The following PRIM2 variants were observed in gnomAD, a reference collection of about 807,000 sequenced individuals.
The protein encoded by PRIM2 is DNA primase subunit 2.
Under a neutral mutation model 67.3 loss-of-function variants are expected in PRIM2, and 39 were observed. That is an observed-to-expected ratio of 0.58 (90% CI 0.45 to 0.76). The LOEUF (loss-of-function observed/expected upper bound fraction) is 0.76, where lower values mean the gene tolerates loss of function less well. Ranked by LOEUF, PRIM2 falls within the 30% of genes least tolerant of loss-of-function variation. The probability of loss-of-function intolerance (pLI) is 0.00; values close to 1 mark genes in which losing one functional copy is unlikely to be tolerated. For missense variants in PRIM2, 398 were observed against 598.7 expected, an observed-to-expected ratio of 0.66 and a Z score of 3.50; for synonymous variants, 143 against 198.7, an observed-to-expected ratio of 0.72 and a Z score of 2.36.
the PRIM2 span, among the ~76,000 whole-genome samples, chr6:57,293,284 A>T: frequency 4.6e-5 from 7 of 152,346 alleles, no homozygotes; most frequent in East Asian, 1.4e-3. Context: ...AACCACAGTG[A>T]GATACCATCT....
chr6:57,335,632 C>T (rs1054813447), intron 5 of PRIM2, among the ~76,000 whole-genome samples: 16 of 152,206 alleles, frequency 1.1e-4, no homozygotes, highest in Admixed American at 6.5e-5. Flanking sequence ...GGTACTCCAA[C>T]AGACCTGCAG....
chr6:57,489,047 G>A (rs1190285495), intron 7 of PRIM2, among the ~76,000 whole-genome samples: 2 of 152,140 alleles, frequency 1.3e-5, no homozygotes, highest in African/African-American at 4.8e-5. Flanking sequence ...GGAAATGCAG[G>A]CCCAGGCACA....
At chr6:57,235,863 C>CT in the PRIM2 span, among the ~76,000 whole-genome samples, 1 of 152,146 alleles carries the variant, frequency 6.6e-6, no homozygotes. Context: ...GTGCTGCTGG[C>CT]TTTCAAGATG....
At chr6:57,481,809 T>A (rs1260129835) in intron 7 of PRIM2, among the ~76,000 whole-genome samples, 1 of 152,214 alleles carries the variant, frequency 6.6e-6, no homozygotes, top group African/African-American at 2.4e-5. Context: ...TCTAGTAGTA[T>A]CTCATTATGG....
intron 13 of PRIM2, among the ~76,000 whole-genome samples, chr6:57,632,437 T>C (rs1777051883): frequency 6.6e-6 from 1 of 152,204 alleles, no homozygotes; most frequent in Non-Finnish European, 1.5e-5. Flanking sequence ...AAATCTTTAC[T>C]ACAGTTGTCA....
At chr6:57,415,388 T>C (rs1463570320) in intron 7 of PRIM2, among the ~76,000 whole-genome samples, 2 of 152,232 alleles carry the variant, frequency 1.3e-5, no homozygotes, top group Non-Finnish European at 2.9e-5. Context: ...GTAAAACTTA[T>C]GTTTACAATA....
intron 7 of PRIM2, among the ~76,000 whole-genome samples, chr6:57,471,982 C>T (rs1346859658): frequency 3.1e-4 from 47 of 151,954 alleles, no homozygotes; most frequent in Non-Finnish European, 6.0e-4. Context: ...TTTTGAGATA[C>T]GCGGTTTTTT....
rs570385353 is a variant in PRIM2, at chr6:57,386,294, C to T, written c.693+4126C>T. Reference sequence around the variant, plus strand: ...ATAGCCAGTCGTGGTGGCATGTGCCCGTAGTCCCAGCTACTTGGGAGGCTG... The same window carrying T: ...ATAGCCAGTCGTGGTGGCATGTGCCTGTAGTCCCAGCTACTTGGGAGGCTG... On this transcript the variant is annotated intron_variant, in intron 7 of 13. Coordinates refer to ENST00000615550, the MANE Select transcript of PRIM2 (RefSeq NM_000947.5). Among the ~76,000 whole-genome samples, 170 of 151,322 alleles carry T rather than the reference C, an allele frequency of 1.1e-3. 3 individuals are homozygous for T. Among genetic ancestry groups the T allele is most frequent in the Admixed American group, 1.8e-3 (27 of 15,150 alleles).
the PRIM2 span, among the ~76,000 whole-genome samples, chr6:57,244,641 A>C: frequency 1.3e-3 from 196 of 152,074 alleles, 1 homozygote; most frequent in Middle Eastern, 3.4e-3. Context: ...CATGCCTGTA[A>C]TCCCAGCTAC....
intron 10 of PRIM2, among the ~76,000 whole-genome samples, chr6:57,578,099 G>A (rs1480008862): frequency 3.3e-5 from 5 of 152,050 alleles, no homozygotes; most frequent in Admixed American, 6.5e-5. Flanking sequence ...AAGTTTTCTC[G>A]TGATTAGATT....
chr6:57,303,876 C>A, the PRIM2 span, among the ~76,000 whole-genome samples: 1 of 152,176 alleles, frequency 6.6e-6, no homozygotes, highest in Non-Finnish European at 1.5e-5. Context: ...CTCAAGTGGT[C>A]TGCCTGCCTA....
At chr6:57,581,869 G>A (rs1412500591) in intron 10 of PRIM2, among the ~76,000 whole-genome samples, 8 of 152,204 alleles carry the variant, frequency 5.3e-5, no homozygotes, top group African/African-American at 1.9e-4. Flanking sequence ...CAATTTGCTA[G>A]GTTTTGTGCT....
At chr6:57,438,904 C>T (rs1237485023) in intron 7 of PRIM2, among the ~76,000 whole-genome samples, 4 of 151,992 alleles carry the variant, frequency 2.6e-5, no homozygotes, top group South Asian at 2.1e-4. Flanking sequence ...TCCCGAGTAG[C>T]GGCCATGTTG....
intron 7 of PRIM2, among the ~76,000 whole-genome samples, chr6:57,436,589 T>C (rs901965660): frequency 1.3e-5 from 2 of 152,200 alleles, no homozygotes; most frequent in African/African-American, 4.8e-5. Context: ...TACCTAGCTC[T>C]TAAGGCTTTA....
the PRIM2 span, among the ~76,000 whole-genome samples, chr6:57,245,018 A>C: frequency 6.6e-6 from 1 of 152,116 alleles, no homozygotes; most frequent in Admixed American, 6.5e-5. Context: ...GGCTGCAGGG[A>C]TGGCTCCCGG....
chr6:57,275,125 T>C, the PRIM2 span, among the ~76,000 whole-genome samples: 1 of 151,980 alleles, frequency 6.6e-6, no homozygotes, highest in Non-Finnish European at 1.5e-5. Flanking sequence ...ATGGATAAGA[T>C]GTAGATCAAA....
intron 7 of PRIM2, among the ~76,000 whole-genome samples, chr6:57,453,688 T>G (rs1370259908): frequency 2.0e-5 from 3 of 152,220 alleles, no homozygotes; most frequent in African/African-American, 7.2e-5. Context: ...GATTTTGGGC[T>G]GAGACAATGG....
intron 10 of PRIM2, among the ~76,000 whole-genome samples, chr6:57,560,764 T>C (rs1775610425): frequency 6.6e-6 from 1 of 152,144 alleles, no homozygotes; most frequent in Non-Finnish European, 1.5e-5. Flanking sequence ...TCCTTTTATC[T>C]GAGCACTAAG....
intron 8 of PRIM2, among the ~76,000 whole-genome samples, chr6:57,514,759 G>A (rs1362696839): frequency 3.3e-5 from 5 of 151,898 alleles, no homozygotes; most frequent in South Asian, 2.1e-4. Flanking sequence ...CACTATAATT[G>A]GTACTGATTA....
Sources: gnomAD v4.1 joint callset for allele counts (sites outside exome capture counted in the v4.1 genomes callset) on GRCh38, gnomAD v4.1.1 for gene constraint, MANE v1.5 for transcripts, NCBI Gene and HGNC (gene_info 2026-07-23, HGNC 2026-07-21) for gene names.